Variants in ERBB4 observed in about 807,000 individuals in gnomAD.
ERBB4 encodes the protein erb-b2 receptor tyrosine kinase 4, also known as receptor tyrosine-protein kinase erbB-4.
ERBB4 carries 42 observed loss-of-function variants against 158.0 expected under a neutral mutation model. The ratio of observed to expected loss-of-function variants is 0.27; its 90% CI spans 0.21 to 0.34. ERBB4 has a LOEUF of 0.34. ERBB4 is among the 10% of genes least tolerant of loss of function. The pLI is 1.00. For missense variants in ERBB4, 1,333 were observed against 1,624.1 expected (o/e 0.82, Z 3.08); for synonymous variants, 583 against 558.7 (o/e 1.04, Z -0.61).
At chr2:212,322,601 T>A (rs1019194854) in intron 1 of ERBB4, among the ~76,000 whole-genome samples, 1 of 150,480 alleles carries the variant, frequency 6.6e-6, no homozygotes, top group South Asian at 2.1e-4. Flanking sequence ...TGAAAATAAG[T>A]CTGTTGTAAA....
At chr2:212,074,744 T>C (rs1039235933) in intron 2 of ERBB4, among the ~76,000 whole-genome samples, 1 of 151,970 alleles carries the variant, frequency 6.6e-6, no homozygotes, top group Non-Finnish European at 1.5e-5. Flanking sequence ...TTCTTACAAC[T>C]AGACACTGAA....
chr2:212,194,752 C>A (rs1424908381), intron 1 of ERBB4, among the ~76,000 whole-genome samples: 2 of 151,834 alleles, frequency 1.3e-5, no homozygotes, highest in Non-Finnish European at 2.9e-5. Flanking sequence ...GCTGGCATAT[C>A]TGAAGGTTTT....
At chr2:211,777,204 A>G (rs1190868635) in intron 4 of ERBB4, 1 of 152,166 alleles carries the variant, frequency 6.6e-6, no homozygotes, top group Non-Finnish European at 1.5e-5. Context: ...TTCAAGCATG[A>G]TATACTTCTC....
chr2:211,914,643 T>C (rs969380795), intron 3 of ERBB4, among the ~76,000 whole-genome samples: 2 of 152,094 alleles, frequency 1.3e-5, no homozygotes, highest in South Asian at 4.1e-4. Context: ...TAAATGCATG[T>C]ATAAGAGTTA....
chr2:211,569,944 C>A (rs2067664386), intron 19 of ERBB4, among the ~76,000 whole-genome samples: 1 of 152,152 alleles, frequency 6.6e-6, no homozygotes, highest in South Asian at 2.1e-4. Context: ...CAATAAAGCA[C>A]TTGCCAATAT....
At position 211,641,151 on chromosome 2, in the gene ERBB4, A is replaced by C. The variant is rs184697988; in HGVS notation, c.1947-10557T>G. On this transcript the variant is annotated intron_variant, in intron 16 of 27. Coordinates refer to ENST00000342788, the MANE Select transcript of ERBB4 (RefSeq NM_005235.3). ...TTTTTAATTAAAGTGAGTCACAGAC[A>C]ACATTCCATTCCATTCCCTTTAAGT... Among the ~76,000 whole-genome samples, 474 of 152,202 alleles carry C rather than the reference A, an allele frequency of 3.1e-3. 3 individuals carry two copies. The highest frequency in any genetic ancestry group is 2.8e-3 in the Non-Finnish European group (188 of 67,968).
At chr2:212,291,465 T>C (rs1441677853) in intron 1 of ERBB4, among the ~76,000 whole-genome samples, 6 of 152,144 alleles carry the variant, frequency 3.9e-5, no homozygotes, top group African/African-American at 1.4e-4. Flanking sequence ...GTTAATTTTG[T>C]TGTTAATGCT....
At position 212,165,059 on chromosome 2, in the gene ERBB4, G is replaced by A. The variant is rs915242332; in HGVS notation, c.83-40156C>T. Reference sequence around the variant, plus strand: ...AACTGTGGTTAGTCAAACATGCTGCGGTCGACTTTGTCCATCCCCTCACTA... The same window carrying A: ...AACTGTGGTTAGTCAAACATGCTGCAGTCGACTTTGTCCATCCCCTCACTA... On this transcript the variant is annotated intron_variant, in intron 1 of 27. Transcript: ENST00000342788. 5.9e-5 allele frequency among the ~76,000 whole-genome samples: 9 copies of A among 151,800 alleles called. No individual in the cohort carries two copies. In the East Asian group the frequency reaches 1.6e-3, roughly 26 times the overall value.
chr2:212,277,601 G>A (rs574684175), intron 1 of ERBB4, among the ~76,000 whole-genome samples: 89 of 151,788 alleles, frequency 5.9e-4, no homozygotes, highest in Non-Finnish European at 9.7e-4. Flanking sequence ...ACTACAGAGA[G>A]TCTCCTAGCC....
chr2:211,606,538 TATGG>T (rs900203093), intron 19 of ERBB4, among the ~76,000 whole-genome samples: 2 of 152,034 alleles, frequency 1.3e-5, no homozygotes, highest in Non-Finnish European at 2.9e-5. Context: ...TGATATTATT[TATGG>T]ATCTCAAAAG....
chr2:211,855,912 A>G, intron 3 of ERBB4, among the ~76,000 whole-genome samples: 1 of 152,206 alleles, frequency 6.6e-6, no homozygotes, highest in Non-Finnish European at 1.5e-5. Flanking sequence ...ATGTATGTAG[A>G]AAAATAAAAA....
In ERBB4 at chr2:211,563,346, T is replaced by C. The variant is rs1269829366; in HGVS notation, c.2302-1258A>G. On this transcript the variant is annotated intron_variant, in intron 19 of 27. Transcript: ENST00000342788. The stretch of plus-strand genomic sequence containing the variant: ...TTTTTGCTTTTGAAAAGCTATGTAA[T>C]ATCACCTACGTAGTATTCTTGTCAA... Among the ~76,000 whole-genome samples, 6 of 152,184 alleles carry C rather than the reference T, an allele frequency of 3.9e-5. No homozygotes were observed. The East Asian group carries it at 1.2e-3, about 29-fold the overall frequency.
intron 3 of ERBB4, among the ~76,000 whole-genome samples, chr2:211,821,543 T>A (rs10203750): frequency 0.84 from 127,917 of 151,942 alleles, 53,986 homozygotes; most frequent in Non-Finnish European, 0.86. Context: ...AAACCACAAA[T>A]GACGCTAAAC....
chr2:212,074,520 A>C (rs532213702), intron 2 of ERBB4, among the ~76,000 whole-genome samples: 1 of 151,962 alleles, frequency 6.6e-6, no homozygotes, highest in Non-Finnish European at 1.5e-5. Context: ...TATTTAACCA[A>C]ATACTATTTT....
At chr2:211,593,625 C>T (rs889751588) in intron 19 of ERBB4, among the ~76,000 whole-genome samples, 9 of 152,144 alleles carry the variant, frequency 5.9e-5, no homozygotes, top group Admixed American at 2.0e-4. Flanking sequence ...ATGCAGTTAG[C>T]CATGTTAATT....
chr2:211,919,291 A>G (rs2079794623), intron 3 of ERBB4, among the ~76,000 whole-genome samples: 1 of 152,044 alleles, frequency 6.6e-6, no homozygotes, highest in Non-Finnish European at 1.5e-5. Context: ...TTTGGGAGAA[A>G]GTGGATAAAG....
intron 1 of ERBB4, among the ~76,000 whole-genome samples, chr2:212,507,807 A>G (rs555402962): frequency 7.2e-5 from 11 of 152,374 alleles, no homozygotes; most frequent in African/African-American, 2.4e-4. Flanking sequence ...AATGACAACG[A>G]AAGATTTACA....
At chr2:211,428,542 T>C in intron 21 of ERBB4, 59 bp from the exon 22 acceptor site, 1 of 932,486 alleles carries the variant, frequency 1.1e-6, no homozygotes, top group East Asian at 2.5e-5. Flanking sequence ...TTTCTATATG[T>C]ATTTCCTAAA....
chr2:211,425,422 TG>T (rs1247519079), intron 22 of ERBB4, among the ~76,000 whole-genome samples: 1 of 151,960 alleles, frequency 6.6e-6, no homozygotes, highest in Non-Finnish European at 1.5e-5. Flanking sequence ...CTGATTTTTT[TG>T]GTTAATATTT....
Sources: allele counts gnomAD v4.1 joint callset (sites outside exome capture counted in the v4.1 genomes callset), GRCh38; gene constraint gnomAD v4.1.1; transcripts MANE v1.5; gene names NCBI Gene and HGNC (gene_info 2026-07-23, HGNC 2026-07-21).